PDE8B: variants seen among roughly 807,000 people sequenced by gnomAD.
The protein encoded by PDE8B is phosphodiesterase 8B.
PDE8B carries 26 observed loss-of-function variants against 101.3 expected under a neutral mutation model. That is an observed-to-expected ratio of 0.26 (90% confidence interval 0.19 to 0.36). The LOEUF (loss-of-function observed/expected upper bound fraction) is 0.36. Ranked by LOEUF, PDE8B falls within the 10% of genes least tolerant of loss-of-function variation. The pLI is 1.00. For missense variants in PDE8B, 810 were observed against 1,163.1 expected (o/e 0.70, Z 4.42); for synonymous variants, 424 against 429.3 (o/e 0.99, Z 0.15).
the PDE8B span, among the ~76,000 whole-genome samples, chr5:77,171,475 C>T: frequency 6.6e-6 from 1 of 152,158 alleles, no homozygotes; most frequent in Admixed American, 6.5e-5. Flanking sequence ...TTCTGTCCGG[C>T]CCATAGAAAA....
chr5:77,292,252 T>C (rs1481763100), intron 1 of PDE8B, among the ~76,000 whole-genome samples: 3 of 152,190 alleles, frequency 2.0e-5, no homozygotes, highest in African/African-American at 7.2e-5. Context: ...TGACTGTGGC[T>C]GGGTGGAGTT....
intron 4 of PDE8B, 36 bp from the exon 5 acceptor site, chr5:77,331,366 A>G (rs761577312): frequency 2.5e-6 from 4 of 1,589,174 alleles, no homozygotes; most frequent in African/African-American, 1.3e-5. Context: ...CCTGGTTTGT[A>G]TCTGCTGAGT....
the PDE8B span, among the ~76,000 whole-genome samples, chr5:77,178,245 C>A: frequency 6.6e-6 from 1 of 152,056 alleles, no homozygotes; most frequent in Non-Finnish European, 1.5e-5. Context: ...TTGTTTTTTT[C>A]TTTTTGTTTT....
chr5:77,350,799 G>A (rs908416040), intron 8 of PDE8B, among the ~76,000 whole-genome samples: 1 of 152,248 alleles, frequency 6.6e-6, no homozygotes, highest in African/African-American at 2.4e-5. Context: ...TGCCACAGCA[G>A]CCATAGGGCT....
chr5:77,273,130 T>C (rs1200055469), intron 1 of PDE8B, among the ~76,000 whole-genome samples: 3 of 152,212 alleles, frequency 2.0e-5, no homozygotes, highest in Non-Finnish European at 4.4e-5. Context: ...GGCAGACTTG[T>C]GTTTTAGCTT....
At chr5:77,342,892 A>G (rs962571956) in intron 6 of PDE8B, among the ~76,000 whole-genome samples, 30 of 152,300 alleles carry the variant, frequency 2.0e-4, no homozygotes, top group African/African-American at 7.0e-4. Context: ...CACAACAGCA[A>G]AAAAGGAGAA....
intron 1 of PDE8B, among the ~76,000 whole-genome samples, chr5:77,295,344 T>G (rs1768288711): frequency 6.6e-6 from 1 of 152,192 alleles, no homozygotes; most frequent in Non-Finnish European, 1.5e-5. Context: ...GGAGAAACTT[T>G]AGCATAAGGA....
chr5:77,389,228 C>T (rs914954915), intron 10 of PDE8B, among the ~76,000 whole-genome samples: 7 of 152,132 alleles, frequency 4.6e-5, no homozygotes, highest in Non-Finnish European at 8.8e-5. Context: ...CCCTGGTCTG[C>T]GGATTGCAAA....
At chr5:77,087,633 C>G in the PDE8B span, 1 of 152,174 alleles carries the variant, frequency 6.6e-6, no homozygotes, top group East Asian at 1.9e-4. Context: ...ACGAACAACC[C>G]CTGCAACTCA....
At chr5:77,309,600 T>G (rs987169307) in intron 1 of PDE8B, among the ~76,000 whole-genome samples, 15 of 152,098 alleles carry the variant, frequency 9.9e-5, no homozygotes, top group African/African-American at 7.2e-5. Flanking sequence ...GCTTATCAAA[T>G]TTATCTTAGT....
At chr5:77,253,446 T>C (rs896021637) in intron 1 of PDE8B, among the ~76,000 whole-genome samples, 1 of 152,242 alleles carries the variant, frequency 6.6e-6, no homozygotes, top group Admixed American at 6.5e-5. Flanking sequence ...TCAAGCTTTC[T>C]AATGATTGGC....
intron 1 of PDE8B, among the ~76,000 whole-genome samples, chr5:77,219,369 T>A (rs1299076283): frequency 1.3e-5 from 2 of 152,064 alleles, no homozygotes; most frequent in African/African-American, 4.8e-5. Flanking sequence ...CCTGTGTGAG[T>A]CATAAAACTG....
At chr5:77,097,721 A>ATCTATATATATATATC in the PDE8B span, among the ~76,000 whole-genome samples, 1 of 30,756 alleles carries the variant, frequency 3.3e-5, no homozygotes, top group African/African-American at 6.1e-5. Context: ...ATATATATAT[A>ATCTATATATATATATC]TATATATATA....
intron 10 of PDE8B, among the ~76,000 whole-genome samples, chr5:77,376,291 CT>C (rs1034183290): frequency 6.6e-6 from 1 of 152,154 alleles, no homozygotes; most frequent in Non-Finnish European, 1.5e-5. Context: ...CCAAACTTAC[CT>C]TTTAACTGCT....
intron 10 of PDE8B, among the ~76,000 whole-genome samples, chr5:77,377,604 C>G (rs148612755): frequency 1.3e-5 from 2 of 152,328 alleles, no homozygotes; most frequent in African/African-American, 4.8e-5. Flanking sequence ...GAAAAAGGGT[C>G]TATGCATCAG....
chr5:77,123,416 A>G, the PDE8B span, among the ~76,000 whole-genome samples: 4 of 140,600 alleles, frequency 2.8e-5, no homozygotes. Flanking sequence ...CATGAGTTTC[A>G]GAGGGGACAA....
intron 1 of PDE8B, chr5:77,291,199 A>G (rs1331067270): frequency 1.4e-5 from 22 of 1,610,958 alleles, no homozygotes; most frequent in Middle Eastern, 1.7e-4. Flanking sequence ...CTGTTTGTAC[A>G]TGAAAGCATC....
At chr5:77,120,478 T>A in the PDE8B span, among the ~76,000 whole-genome samples, 2 of 152,228 alleles carry the variant, frequency 1.3e-5, 1 homozygote, top group South Asian at 4.1e-4. Flanking sequence ...GCTGAAGTGT[T>A]AAGGGTGAAT....
chr5:77,420,872 G>C (rs1581616830), intron 19 of PDE8B, among the ~76,000 whole-genome samples: 1 of 152,172 alleles, frequency 6.6e-6, no homozygotes, highest in South Asian at 2.1e-4. Context: ...GTATTACTTT[G>C]ATAAGTAATC....
Sources: allele counts gnomAD v4.1 joint callset (sites outside exome capture counted in the v4.1 genomes callset), GRCh38; gene constraint gnomAD v4.1.1; transcripts MANE v1.5; gene names NCBI Gene and HGNC (gene_info 2026-07-23, HGNC 2026-07-21).